ORC3: variants seen among roughly 807,000 people sequenced by gnomAD.
ORC3 encodes the protein homolog of latheo, Drosophila.
In ORC3, 78 loss-of-function variants were observed where a neutral mutation model predicts 100.7. That is an observed-to-expected ratio of 0.77 (90% CI 0.65 to 0.94). ORC3 has a LOEUF of 0.94. Ranked by LOEUF, ORC3 falls within the 40% of genes least tolerant of loss-of-function variation. The pLI, the probability that ORC3 is intolerant of heterozygous loss-of-function variation, is 0.00. For missense variants in ORC3, 789 were observed against 823.9 expected, an observed-to-expected ratio of 0.96 and a Z score of 0.52; for synonymous variants, 295 against 289.3, an observed-to-expected ratio of 1.02 and a Z score of -0.20.
chr6:87,666,729 G>C (rs922561402), intron 19 of ORC3, among the ~76,000 whole-genome samples: 2 of 152,124 alleles, frequency 1.3e-5, no homozygotes, highest in African/African-American at 4.8e-5. Context: ...GTGAGCCACT[G>C]ACCTGGTCTG....
intron 1 of ORC3, among the ~76,000 whole-genome samples, chr6:87,590,857 T>C (rs1458708120): frequency 6.6e-6 from 1 of 152,064 alleles, no homozygotes; most frequent in African/African-American, 2.4e-5. Flanking sequence ...AGTGGGAGCG[T>C]CATGAAAAAT....
At chr6:87,602,932 T>TTA (rs1297751774) in intron 3 of ORC3, among the ~76,000 whole-genome samples, 11 of 129,724 alleles carry the variant, frequency 8.5e-5, no homozygotes, top group South Asian at 2.4e-4. Context: ...ATATACACGT[T>TTA]TATATATATA....
intron 1 of ORC3, among the ~76,000 whole-genome samples, chr6:87,593,869 G>T (rs1178705877): frequency 6.6e-6 from 1 of 152,212 alleles, no homozygotes; most frequent in South Asian, 2.1e-4. Context: ...GCTAATTTTT[G>T]CATTTTTAGT....
downstream of ORC3, among the ~76,000 whole-genome samples, chr6:87,669,645 T>G (rs748443278): frequency 3.3e-5 from 5 of 152,240 alleles, no homozygotes; most frequent in Non-Finnish European, 5.9e-5. Flanking sequence ...GTCACTGAGA[T>G]TCCATGATTT....
At chr6:87,651,113 G>A (rs527242054) in intron 13 of ORC3, 3 of 454,858 alleles carry the variant, frequency 6.6e-6, no homozygotes, top group Non-Finnish European at 1.3e-5. Context: ...TATGACTAAT[G>A]AAGTTTGCTT....
At chr6:87,620,952 G>T (rs1238931404) in intron 9 of ORC3, among the ~76,000 whole-genome samples, 4 of 152,062 alleles carry the variant, frequency 2.6e-5, no homozygotes, top group Admixed American at 2.0e-4. Context: ...ATTATTTTTT[G>T]TAACAGACCA....
intron 4 of ORC3, among the ~76,000 whole-genome samples, chr6:87,605,454 C>T (rs1306266437): frequency 3.3e-5 from 5 of 152,222 alleles, no homozygotes; most frequent in Non-Finnish European, 1.5e-5. Flanking sequence ...AGTTTGAGAC[C>T]AGCCTGGCCA....
chr6:87,599,004 A>G (rs980215800), intron 2 of ORC3, among the ~76,000 whole-genome samples: 6 of 152,228 alleles, frequency 3.9e-5, no homozygotes, highest in Non-Finnish European at 7.3e-5. Context: ...CAGCACTGGC[A>G]CTGTAGGAGA....
chr6:87,596,853 T>A (rs1261153725), intron 2 of ORC3, among the ~76,000 whole-genome samples: 2 of 152,186 alleles, frequency 1.3e-5, no homozygotes, highest in African/African-American at 2.4e-5. Flanking sequence ...AAAGTCTTAT[T>A]TTAATATAAT....
rs770654226 is a variant in ORC3, at chr6:87,653,181, G to A, written c.1448G>A (p.Cys483Tyr). The A allele has an allele frequency of 5.6e-6, 9 of 1,613,800 alleles. No individual in the cohort carries two copies. The South Asian group carries it at 9.9e-5, about 18-fold the overall frequency. Residue 483 changes from cysteine (C) to tyrosine (Y), a missense_variant, in exon 14 of 20, where the codon TGT becomes TAT. By Grantham distance (194) the Cys-to-Tyr change is radical (BLOSUM62 -2). Transcript: ENST00000392844. ...TGTTTCAAGGTTTTTAAGTCTTATT[G>A]TGAAAACCACCTTGGCAGCACAGCT... is the stretch of plus-strand genomic sequence containing the variant. Reference protein sequence around the residue: ...EKCFKVFKSYCENHLGSTAKR... With the variant: ...EKCFKVFKSYYENHLGSTAKR...
Position 87,621,191 on chromosome 6 carries a change from G to A in ORC3, c.988-163G>A, listed in dbSNP as rs1779506003. ...GAACCTTAAAATATGGAGTTATATA[G>A]CCATTTTTATGTTGTTTGCAGTGTT... On this transcript the variant is annotated intron_variant, in intron 9 of 19. Transcript: ENST00000392844. Among the ~76,000 whole-genome samples, 4 of 151,996 alleles carry A rather than the reference G, an allele frequency of 2.6e-5. No individual in the cohort carries two copies. The South Asian group carries it at 8.3e-4, about 32-fold the overall frequency.
chr6:87,669,059 A>G (rs1770776804), downstream of ORC3, among the ~76,000 whole-genome samples: 1 of 152,262 alleles, frequency 6.6e-6, no homozygotes, highest in African/African-American at 2.4e-5. Flanking sequence ...TGGAAGGCTG[A>G]GGCAGGAGAA....
chr6:87,625,245 G>A lies in ORC3; in HGVS notation c.1185+3232G>A, dbSNP rs375649401. Among the ~76,000 whole-genome samples the A allele has an allele frequency of 6.7e-4, 102 of 152,240 alleles. 4 individuals carry two copies. In the South Asian group the frequency reaches 0.018, roughly 26 times the overall value. ...ATTGCTGGGTCAAATGGTATTTCTTGTTCTAGATCCTTGAGGAATCACCAC... is the reference window on the plus strand; with the variant it reads ...ATTGCTGGGTCAAATGGTATTTCTTATTCTAGATCCTTGAGGAATCACCAC... On this transcript the variant is annotated intron_variant, in intron 11 of 19. Transcript: ENST00000392844.
At chr6:87,675,616 T>G in the ORC3 span, 1 of 1,613,748 alleles carries the variant, frequency 6.2e-7, no homozygotes, top group Admixed American at 1.7e-5. Flanking sequence ...ATCTAAAGGG[T>G]GAGAAAAAGA....
rs531912401 is a variant in ORC3 at position 87,592,961 on chromosome 6, T to A, written c.25-1392T>A. Among the ~76,000 whole-genome samples the A allele has an allele frequency of 5.9e-5, 9 of 151,936 alleles. No individual in the cohort carries two copies. The South Asian group carries it at 1.9e-3, about 32-fold the overall frequency. On this transcript the variant is annotated intron_variant, in intron 1 of 19. Transcript: ENST00000392844. ...ACAATAAATTAGCCAGGCATGGTGG[T>A]GGGCACCTGTCATCCCAGCTACTCA...
At chr6:87,613,625 T>A (rs1195390098) in intron 8 of ORC3, among the ~76,000 whole-genome samples, 1 of 152,174 alleles carries the variant, frequency 6.6e-6, no homozygotes, top group African/African-American at 2.4e-5. Context: ...AGTTACTTCC[T>A]AGATACAATG....
intron 11 of ORC3, among the ~76,000 whole-genome samples, chr6:87,625,663 G>T (rs1019912142): frequency 2.0e-5 from 3 of 152,164 alleles, no homozygotes; most frequent in African/African-American, 7.2e-5. Context: ...TCTGATGACA[G>T]TTTATTTTGC....
chr6:87,638,808 T>C (rs1365021441), intron 13 of ORC3, among the ~76,000 whole-genome samples: 1 of 152,164 alleles, frequency 6.6e-6, no homozygotes, highest in African/African-American at 2.4e-5. Flanking sequence ...TAACACATTA[T>C]TTTTTCACTG....
intron 9 of ORC3, among the ~76,000 whole-genome samples, 198 bp downstream of exon 9, chr6:87,616,625 A>G (rs1562338405): frequency 6.6e-6 from 1 of 152,216 alleles, no homozygotes; most frequent in Admixed American, 6.5e-5. Context: ...TAGGATATCA[A>G]TAATGGGAAA....
Sources: gnomAD v4.1 joint callset for allele counts (sites outside exome capture counted in the v4.1 genomes callset) on GRCh38, gnomAD v4.1.1 for gene constraint, MANE v1.5 for transcripts, NCBI Gene and HGNC (gene_info 2026-07-23, HGNC 2026-07-21) for gene names.